Variants in ZNF804A observed in about 807,000 individuals in gnomAD.
The protein encoded by ZNF804A is zinc finger protein 804A.
Under a neutral mutation model 16.5 loss-of-function variants are expected in ZNF804A, and 2 were observed. That is an observed-to-expected ratio of 0.12 (90% confidence interval 0.05 to 0.38). The LOEUF (loss-of-function observed/expected upper bound fraction) is 0.38, where lower values mean the gene tolerates loss of function less well. ZNF804A is among the 10% of genes least tolerant of loss of function. ZNF804A has a pLI of 0.99. For synonymous variants in ZNF804A, 534 were observed against 489.6 expected (o/e 1.09, Z -1.20); for missense variants, 1,473 against 1,390.7 (o/e 1.06, Z -0.94).
chr2:184,643,496 T>C (rs1336433679), intron 1 of ZNF804A, among the ~76,000 whole-genome samples: 4 of 151,970 alleles, frequency 2.6e-5, no homozygotes, highest in African/African-American at 9.7e-5. Flanking sequence ...TGTCTTATTC[T>C]TACAGTATAC....
intron 1 of ZNF804A, among the ~76,000 whole-genome samples, chr2:184,716,876 T>G (rs1437143826): frequency 1.3e-5 from 2 of 152,166 alleles, no homozygotes; most frequent in South Asian, 4.1e-4. Flanking sequence ...AAATAATTTT[T>G]TGTTTGTATT....
intron 2 of ZNF804A, among the ~76,000 whole-genome samples, chr2:184,886,991 A>C (rs1187934634): frequency 6.6e-6 from 1 of 152,236 alleles, no homozygotes; most frequent in East Asian, 1.9e-4. Context: ...TTCTCCCCAG[A>C]AAACGAGATT....
intron 2 of ZNF804A, among the ~76,000 whole-genome samples, chr2:184,885,259 A>C (rs540797170): frequency 2.0e-5 from 3 of 152,362 alleles, no homozygotes; most frequent in African/African-American, 7.2e-5. Flanking sequence ...AACTAGTTCA[A>C]CCACCGTGGA....
chr2:184,833,778 G>T (rs1304488745), intron 1 of ZNF804A, among the ~76,000 whole-genome samples: 1 of 152,028 alleles, frequency 6.6e-6, no homozygotes, highest in Admixed American at 6.6e-5. Context: ...AGTTAAAAGT[G>T]ATAGTTATCC....
Position 184,839,564 on chromosome 2 carries a change from C to G in ZNF804A, c.112-26805C>G, listed in dbSNP as rs534844124. ...TACAAAGAAACTATAAACAGGTTGC[C>G]CTCTCTTTCAAGAAAGGCCATAGCA... On this transcript the variant is annotated intron_variant, in intron 1 of 3. Transcript: ENST00000302277. Among the ~76,000 whole-genome samples, 55 of 151,010 alleles carry G rather than the reference C, an allele frequency of 3.6e-4. No individual in the cohort carries two copies. In the Middle Eastern group the frequency reaches 0.01, roughly 28 times the overall value.
intron 1 of ZNF804A, among the ~76,000 whole-genome samples, chr2:184,627,143 G>C (rs1023168696): frequency 2.0e-5 from 3 of 152,112 alleles, no homozygotes; most frequent in African/African-American, 7.2e-5. Flanking sequence ...GCCAATACCA[G>C]AGAAGGCTAA....
At chr2:184,908,232 C>G (rs539423751) in intron 2 of ZNF804A, among the ~76,000 whole-genome samples, 1 of 151,970 alleles carries the variant, frequency 6.6e-6, no homozygotes, top group East Asian at 1.9e-4. Context: ...TAAGGGGTGA[C>G]CTTTATTCCT....
intron 1 of ZNF804A, among the ~76,000 whole-genome samples, chr2:184,810,873 A>G (rs1009991951): frequency 2.6e-5 from 4 of 152,208 alleles, no homozygotes; most frequent in Non-Finnish European, 5.9e-5. Context: ...AAGAGCGTAG[A>G]AATAGTGTTT....
intron 2 of ZNF804A, chr2:184,901,994 C>T (rs1371550865): frequency 6.6e-6 from 1 of 151,872 alleles, no homozygotes; most frequent in African/African-American, 2.4e-5. Flanking sequence ...CCTTTTTCTT[C>T]AAATTATACT....
At chr2:184,628,282 C>A (rs1212644501) in intron 1 of ZNF804A, among the ~76,000 whole-genome samples, 2 of 151,400 alleles carry the variant, frequency 1.3e-5, no homozygotes, top group Admixed American at 1.3e-4. Context: ...GCCATTGCAA[C>A]AGCCTGGGCA....
At chr2:184,772,283 A>C (rs1694228050) in intron 1 of ZNF804A, among the ~76,000 whole-genome samples, 1 of 151,258 alleles carries the variant, frequency 6.6e-6, no homozygotes, top group Non-Finnish European at 1.5e-5. Flanking sequence ...AAAAAAAACA[A>C]TAGCAGTCAC....
At chr2:184,644,002 A>T (rs1262899694) in intron 1 of ZNF804A, among the ~76,000 whole-genome samples, 1 of 151,776 alleles carries the variant, frequency 6.6e-6, no homozygotes, top group East Asian at 1.9e-4. Context: ...GCATGATTCT[A>T]AAAATATTTT....
chr2:184,796,202 G>T (rs1357130321), intron 1 of ZNF804A, among the ~76,000 whole-genome samples: 1 of 152,020 alleles, frequency 6.6e-6, no homozygotes, highest in Non-Finnish European at 1.5e-5. Flanking sequence ...TCCATTCCTG[G>T]TTTTGGTATT....
chr2:184,792,843 T>G (rs1373304372), intron 1 of ZNF804A, among the ~76,000 whole-genome samples: 1 of 152,122 alleles, frequency 6.6e-6, no homozygotes, highest in Non-Finnish European at 1.5e-5. Flanking sequence ...TATTACATGA[T>G]GCTGAGGTTT....
intron 1 of ZNF804A, among the ~76,000 whole-genome samples, chr2:184,796,939 A>G (rs1191567348): frequency 6.6e-6 from 1 of 152,078 alleles, no homozygotes; most frequent in Non-Finnish European, 1.5e-5. Flanking sequence ...ATGGTTTTGA[A>G]TATTTTTTTG....
chr2:184,607,118 A>G (rs1691159424), intron 1 of ZNF804A, among the ~76,000 whole-genome samples: 1 of 152,158 alleles, frequency 6.6e-6, no homozygotes, highest in Non-Finnish European at 1.5e-5. Context: ...CCTGGATTAC[A>G]ATTTCTCTCT....
chr2:184,644,165 A>G (rs1244387026), intron 1 of ZNF804A, among the ~76,000 whole-genome samples: 1 of 151,666 alleles, frequency 6.6e-6, no homozygotes, highest in Admixed American at 6.6e-5. Context: ...CAAAAATTTA[A>G]CTGTCAGGGT....
At chr2:184,801,596 A>ATCAT (rs1454636386) in intron 1 of ZNF804A, among the ~76,000 whole-genome samples, 2 of 152,184 alleles carry the variant, frequency 1.3e-5, no homozygotes, top group African/African-American at 4.8e-5. Flanking sequence ...CTCCAAAGAC[A>ATCAT]TTCTTCATTT....
chr2:184,686,603 C>A (rs1043091260), intron 1 of ZNF804A, among the ~76,000 whole-genome samples: 19 of 152,182 alleles, frequency 1.2e-4, no homozygotes, highest in African/African-American at 4.1e-4. Context: ...GTTTTAAGCT[C>A]TTTTGAAAAT....
Sources: allele counts gnomAD v4.1 joint callset (sites outside exome capture counted in the v4.1 genomes callset), GRCh38; gene constraint gnomAD v4.1.1; transcripts MANE v1.5; gene names NCBI Gene and HGNC (gene_info 2026-07-23, HGNC 2026-07-21).